PTPN13: variants seen among roughly 807,000 people sequenced by gnomAD.
The protein encoded by PTPN13 is protein tyrosine phosphatase non-receptor type 13, also known as tyrosine-protein phosphatase non-receptor type 13.
PTPN13 carries 191 observed loss-of-function variants against 284.0 expected under a neutral mutation model. The observed-to-expected ratio is 0.67, with a 90% confidence interval of 0.60 to 0.76. The LOEUF (loss-of-function observed/expected upper bound fraction) is 0.76, where lower values mean the gene tolerates loss of function less well. PTPN13 is among the 30% of genes least tolerant of loss of function. The pLI is 0.00. For missense variants in PTPN13, 2,797 were observed against 2,939.9 expected (o/e 0.95, Z 1.12); for synonymous variants, 986 against 1,022.3 (o/e 0.96, Z 0.68).
intron 3 of PTPN13, among the ~76,000 whole-genome samples, chr4:86,678,408 C>T (rs990039407): frequency 2.6e-5 from 4 of 152,124 alleles, no homozygotes; most frequent in Non-Finnish European, 5.9e-5. Context: ...AAAAATGTGT[C>T]TTCGTATATT....
chr4:86,627,081 A>T (rs550303727), intron 1 of PTPN13, among the ~76,000 whole-genome samples: 1 of 152,236 alleles, frequency 6.6e-6, no homozygotes, highest in Non-Finnish European at 1.5e-5. Context: ...CCTTGAGGAC[A>T]TTATGTGAAG....
At position 86,740,133 on chromosome 4, in the gene PTPN13, G is replaced by A. The variant is rs111553667; in HGVS notation, c.2305-1501G>A. Among the ~76,000 whole-genome samples the A allele has an allele frequency of 1.3e-3, 192 of 152,236 alleles. 2 individuals are homozygous for A. The highest frequency in any genetic ancestry group is 4.4e-3 in the African/African-American group (182 of 41,536). On this transcript the variant is annotated intron_variant, in intron 15 of 47. Transcript: ENST00000411767. ...GCTGTCGTTGGATCTACCATTCTGG[G>A]GTCTGGAGGACAGTGGCCCTCTTCT...
intron 10 of PTPN13, among the ~76,000 whole-genome samples, chr4:86,723,239 A>G (rs1733871299): frequency 6.6e-6 from 1 of 152,162 alleles, no homozygotes; most frequent in Non-Finnish European, 1.5e-5. Flanking sequence ...GTTGAAAGTA[A>G]TGCTCTAAAG....
chr4:86,749,931 A>G (rs1737196360), intron 17 of PTPN13, among the ~76,000 whole-genome samples: 1 of 152,218 alleles, frequency 6.6e-6, no homozygotes, highest in African/African-American at 2.4e-5. Flanking sequence ...TCAATACCAT[A>G]CATTCATCCA....
At chr4:86,810,392 T>TA (rs924844957) in intron 46 of PTPN13, among the ~76,000 whole-genome samples, 9 of 152,216 alleles carry the variant, frequency 5.9e-5, no homozygotes, top group African/African-American at 2.2e-4. Context: ...TATCTATGGG[T>TA]AAAAAATGTA....
At chr4:86,628,771 C>A (rs1439375176) in intron 1 of PTPN13, among the ~76,000 whole-genome samples, 11 of 143,864 alleles carry the variant, frequency 7.6e-5, no homozygotes, top group Non-Finnish European at 1.7e-4. Flanking sequence ...TTTGTTCTTG[C>A]GATAGTTTAC....
At position 86,767,925 on chromosome 4, in the gene PTPN13, G is replaced by A. The variant is rs1393833991; in HGVS notation, c.4438G>A (p.Glu1480Lys). The A allele has an allele frequency of 3.1e-6, 5 of 1,610,606 alleles. No homozygotes were observed. In the Admixed American group the frequency reaches 8.4e-5, roughly 27 times the overall value. The change falls in exon 28 of 48, where the codon GAA (glutamate) becomes AAA (lysine). Residue 1480 changes from glutamate (E) to lysine (K), a missense_variant. Transcript: ENST00000411767. ...SDQNAQGQGP[E>K]KVKKTTQVKD... is the part of the protein sequence containing the mutation. ...TCAGAATGCCCAAGGTCAAGGCCCA[G>A]AAAAAGTGAAGAAAACAACTCAGGT...
intron 15 of PTPN13, among the ~76,000 whole-genome samples, chr4:86,736,696 T>G (rs1735556397): frequency 6.6e-6 from 1 of 152,212 alleles, no homozygotes; most frequent in South Asian, 2.1e-4. Flanking sequence ...GAAGGCAGAT[T>G]GGCACAGTGA....
At chr4:86,643,116 T>G (rs1724008500) in intron 2 of PTPN13, among the ~76,000 whole-genome samples, 1 of 152,168 alleles carries the variant, frequency 6.6e-6, no homozygotes, top group Non-Finnish European at 1.5e-5. Context: ...ATAAATCCCT[T>G]TATAAGTAGT....
rs186878761 is a variant in PTPN13, at chr4:86,772,125, T to G, written c.5168+590T>G. ...GGAGTCAGACTTTTATTCTTCTTTC[T>G]TCTTTTCCTTATTATGTTGAAACAC... On this transcript the variant is annotated intron_variant, in intron 31 of 47. Coordinates refer to ENST00000411767, the MANE Select transcript of PTPN13 (RefSeq NM_080683.3). Among the ~76,000 whole-genome samples the G allele has an allele frequency of 6.6e-3, 1,009 of 152,360 alleles. 10 individuals carry two copies. The highest frequency in any genetic ancestry group is 0.017 in the Middle Eastern group (5 of 294).
chr4:86,659,080 ATAT>A (rs1402902078), intron 2 of PTPN13, among the ~76,000 whole-genome samples: 1 of 152,138 alleles, frequency 6.6e-6, no homozygotes, highest in African/African-American at 2.4e-5. Flanking sequence ...AAAAGAGAAA[ATAT>A]TATCACTATA....
chr4:86,597,501 T>C (rs1422346780), intron 1 of PTPN13, among the ~76,000 whole-genome samples: 2 of 152,258 alleles, frequency 1.3e-5, no homozygotes, highest in Non-Finnish European at 2.9e-5. Context: ...GTAGGACTTT[T>C]AATGGCTTAA....
intron 2 of PTPN13, among the ~76,000 whole-genome samples, chr4:86,671,722 A>T (rs1727738682): frequency 6.6e-6 from 1 of 152,242 alleles, no homozygotes. Context: ...ACAAATGTAA[A>T]TAAGATAAAA....
rs145847399 is a variant in PTPN13, at chr4:86,630,329, C to G, written c.-5-4923C>G. On this transcript the variant is annotated intron_variant, in intron 1 of 47. Transcript: ENST00000411767. ...TATAGTAAGACTTATGTATAGCAAG[C>G]CTTTAAGGGTCTCTTGTATGTTCCA... Among the ~76,000 whole-genome samples, 512 of 152,108 alleles carry G rather than the reference C, an allele frequency of 3.4e-3. 1 individual carries two copies. The highest frequency in any genetic ancestry group is 0.012 in the African/African-American group (494 of 41,506).
In PTPN13 at chr4:86,693,701, T is replaced by C. The variant is rs954454521; in HGVS notation, c.634+27T>C. The C allele has an allele frequency of 2.7e-6, 4 of 1,477,346 alleles. No individual in the cohort carries two copies. The African/African-American group carries it at 4.2e-5, about 15-fold the overall frequency. 91.5% of individuals were successfully genotyped at this position (1,477,346 alleles called of 1,614,324 possible). On this transcript the variant is annotated intron_variant, in intron 6 of 47. Transcript: ENST00000411767. ...TAAGAGTATATTAATAGGAAATGTC[T>C]AGGCTTTAACCTTATCCCATTGTTT...
At chr4:86,604,538 A>G (rs2149168683) in intron 1 of PTPN13, among the ~76,000 whole-genome samples, 1 of 152,072 alleles carries the variant, frequency 6.6e-6, no homozygotes. Context: ...AGATCTTTTT[A>G]GGTACAGTAG....
chr4:86,741,337 T>C (rs562986309), intron 15 of PTPN13, among the ~76,000 whole-genome samples: 7 of 152,280 alleles, frequency 4.6e-5, no homozygotes, highest in African/African-American at 1.4e-4. Context: ...CTCACAATCA[T>C]GGCAGAAGGT....
intron 17 of PTPN13, among the ~76,000 whole-genome samples, chr4:86,748,983 AT>A (rs1737095626): frequency 6.6e-6 from 1 of 152,154 alleles, no homozygotes; most frequent in Non-Finnish European, 1.5e-5. Flanking sequence ...ACAAAGGTGT[AT>A]TTTTAAAAGT....
intron 1 of PTPN13, among the ~76,000 whole-genome samples, chr4:86,611,676 G>A (rs146440381): frequency 1.6e-3 from 251 of 152,228 alleles, no homozygotes; most frequent in Non-Finnish European, 2.5e-3. Context: ...TCCAGGCTGC[G>A]GCATATGGTG....
Sources: allele counts gnomAD v4.1 joint callset (sites outside exome capture counted in the v4.1 genomes callset), GRCh38; gene constraint gnomAD v4.1.1; transcripts MANE v1.5; gene names NCBI Gene and HGNC (gene_info 2026-07-23, HGNC 2026-07-21).